ZSWIM5: variants seen among roughly 807,000 people sequenced by gnomAD.
ZSWIM5 encodes zinc finger SWIM domain-containing protein 5.
Under a neutral mutation model 119.6 loss-of-function variants are expected in ZSWIM5, and 55 were observed. The ratio of observed to expected loss-of-function variants is 0.46; its 90% CI spans 0.37 to 0.58. The LOEUF (loss-of-function observed/expected upper bound fraction) is 0.58. Ranked by LOEUF, ZSWIM5 falls within the 20% of genes least tolerant of loss-of-function variation. ZSWIM5 has a pLI of 0.00. For synonymous variants in ZSWIM5, 537 were observed against 606.9 expected (o/e 0.88, Z 1.69); for missense variants, 1,193 against 1,512.8 (o/e 0.79, Z 3.51).
chr1:45,082,652 T>C (rs143389289), intron 2 of ZSWIM5, among the ~76,000 whole-genome samples: 2 of 152,360 alleles, frequency 1.3e-5, no homozygotes, highest in East Asian at 1.9e-4. Context: ...TAGAATACTA[T>C]GGAACCTGTT....
intron 1 of ZSWIM5, among the ~76,000 whole-genome samples, chr1:45,129,358 C>A (rs1411193180): frequency 6.6e-6 from 1 of 151,918 alleles, no homozygotes; most frequent in Non-Finnish European, 1.5e-5. Flanking sequence ...GAGGTTTCAC[C>A]ATGTTAGCCA....
chr1:45,074,303 A>C (rs1645243360), intron 2 of ZSWIM5, among the ~76,000 whole-genome samples: 1 of 151,898 alleles, frequency 6.6e-6, no homozygotes, highest in African/African-American at 2.4e-5. Flanking sequence ...TTTGAATAAG[A>C]TTGGTATTAA....
At chr1:45,116,369 CTT>C (rs201589573) in intron 1 of ZSWIM5, among the ~76,000 whole-genome samples, 1,787 of 152,276 alleles carry the variant, frequency 0.012, 13 homozygotes, top group Middle Eastern at 0.024. Flanking sequence ...CTGAGGAATG[CTT>C]CATGAGCAAT....
chr1:45,017,728 T>G lies in ZSWIM5; in HGVS notation c.*726A>C. The G allele has an allele frequency of 6.6e-6, 1 of 152,276 alleles. No homozygotes were observed. The highest frequency in any genetic ancestry group is 1.5e-5 in the Non-Finnish European group (1 of 68,068). The allele number at this position is 152,276 out of a possible 1,614,324, so 9.4% of individuals were successfully genotyped here. ...GTGTTCAGCAGGCTCCTGAAGAGGC[T>G]GTGTGAGGCAGGAGCTTCAATGTCC... On this transcript the variant is annotated 3_prime_UTR_variant, in exon 14 of 14. Coordinates refer to ENST00000359600, the MANE Select transcript of ZSWIM5 (RefSeq NM_020883.2).
Position 45,128,030 on chromosome 1 carries a change from C to T in ZSWIM5, c.596-39793G>A, listed in dbSNP as rs184083784. On this transcript the variant is annotated intron_variant, in intron 1 of 13. Transcript: ENST00000359600. Reference sequence around the variant, plus strand: ...CATTCCATGTTCATGGATTAGAAGACTCAATATAGTAAAAATGTCAATTCT... The same window carrying T: ...CATTCCATGTTCATGGATTAGAAGATTCAATATAGTAAAAATGTCAATTCT... 3.3e-4 allele frequency among the ~76,000 whole-genome samples: 50 copies of T among 152,162 alleles called. No individual in the cohort carries two copies. In the East Asian group the frequency reaches 9.1e-3, roughly 28 times the overall value.
At chr1:45,043,417 G>A (rs753240840) in intron 5 of ZSWIM5, 22 bp from the exon 6 acceptor site, 4 of 1,612,640 alleles carry the variant, frequency 2.5e-6, no homozygotes, top group South Asian at 1.1e-5. Flanking sequence ...AGAACATGCA[G>A]CAGTACAGTG....
At chr1:45,182,220 C>T (rs905928788) in intron 1 of ZSWIM5, among the ~76,000 whole-genome samples, 16 of 151,986 alleles carry the variant, frequency 1.1e-4, no homozygotes, top group African/African-American at 2.9e-4. Flanking sequence ...ATCGAGACCA[C>T]GGTGAAACCC....
intron 1 of ZSWIM5, among the ~76,000 whole-genome samples, chr1:45,108,043 G>C (rs1013764460): frequency 2.0e-5 from 3 of 152,094 alleles, no homozygotes; most frequent in African/African-American, 7.2e-5. Flanking sequence ...GGATCCTCCT[G>C]CCTCGGCCTC....
intron 5 of ZSWIM5, among the ~76,000 whole-genome samples, chr1:45,044,796 T>TAA (rs1557746570): frequency 3.0e-4 from 1 of 3,376 alleles, no homozygotes; most frequent in African/African-American, 7.3e-4. Context: ...TATAAATATA[T>TAA]ATATATAAAT....
chr1:45,076,709 C>T (rs76128869), intron 2 of ZSWIM5, among the ~76,000 whole-genome samples: 3,138 of 152,196 alleles, frequency 0.021, 115 homozygotes, highest in African/African-American at 0.072. Flanking sequence ...GTTTCTTTCT[C>T]TACGTCGTCT....
intron 1 of ZSWIM5, among the ~76,000 whole-genome samples, chr1:45,095,146 G>A (rs900106069): frequency 8.6e-5 from 11 of 127,296 alleles, no homozygotes; most frequent in Non-Finnish European, 1.5e-4. Context: ...TTTTTTTTTT[G>A]AGACAGGGTC....
intron 1 of ZSWIM5, among the ~76,000 whole-genome samples, chr1:45,177,946 G>A (rs1645990966): frequency 6.6e-6 from 1 of 151,784 alleles, no homozygotes; most frequent in Non-Finnish European, 1.5e-5. Flanking sequence ...TGTTGGCCAG[G>A]CTGGTCTCAA....
At chr1:45,076,541 C>A (rs930101391) in intron 2 of ZSWIM5, among the ~76,000 whole-genome samples, 5 of 152,034 alleles carry the variant, frequency 3.3e-5, no homozygotes, top group African/African-American at 9.7e-5. Context: ...TTATCCTTGA[C>A]CTTTGGGAGT....
chr1:45,146,340 T>C (rs1430944560), intron 1 of ZSWIM5, among the ~76,000 whole-genome samples: 5 of 145,018 alleles, frequency 3.4e-5, no homozygotes, highest in Admixed American at 7.1e-5. Context: ...GTTGTAACCA[T>C]AGTCTGAAAA....
intron 1 of ZSWIM5, among the ~76,000 whole-genome samples, chr1:45,104,533 C>G (rs1194915923): frequency 6.6e-6 from 1 of 152,206 alleles, no homozygotes; most frequent in South Asian, 2.1e-4. Flanking sequence ...CAACTGGCCA[C>G]GCCTGGGGCC....
intron 5 of ZSWIM5, among the ~76,000 whole-genome samples, chr1:45,046,673 T>C (rs907384395): frequency 1.3e-5 from 2 of 151,268 alleles, no homozygotes; most frequent in African/African-American, 2.4e-5. Flanking sequence ...TATACACATA[T>C]ATGAGCTGTT....
chr1:45,053,470 A>G (rs1025201349), intron 4 of ZSWIM5, among the ~76,000 whole-genome samples: 1 of 152,008 alleles, frequency 6.6e-6, no homozygotes, highest in Non-Finnish European at 1.5e-5. Flanking sequence ...GATATTAAGA[A>G]GGGGATCCTG....
intron 1 of ZSWIM5, among the ~76,000 whole-genome samples, chr1:45,150,030 C>T (rs926779728): frequency 1.3e-5 from 2 of 151,660 alleles, no homozygotes; most frequent in African/African-American, 4.8e-5. Context: ...ATTAGCAGGG[C>T]ATGGTGGTGT....
At chr1:45,190,656 A>G (rs1646085935) in intron 1 of ZSWIM5, among the ~76,000 whole-genome samples, 1 of 152,180 alleles carries the variant, frequency 6.6e-6, no homozygotes, top group Non-Finnish European at 1.5e-5. Context: ...TTGGCTGCTG[A>G]GAGGTTACAG....
Sources: allele counts gnomAD v4.1 joint callset (sites outside exome capture counted in the v4.1 genomes callset), GRCh38; gene constraint gnomAD v4.1.1; transcripts MANE v1.5; gene names NCBI Gene and HGNC (gene_info 2026-07-23, HGNC 2026-07-21).